The following PTPRR variants were observed in gnomAD, a reference collection of about 807,000 sequenced individuals.
PTPRR encodes the protein receptor-type tyrosine-protein phosphatase R.
In PTPRR, 38 loss-of-function variants were observed where a neutral mutation model predicts 77.2. The observed-to-expected ratio is 0.49, with a 90% confidence interval of 0.38 to 0.65. PTPRR has a LOEUF of 0.65. Ranked by LOEUF, PTPRR falls within the 30% of genes least tolerant of loss-of-function variation. PTPRR has a pLI of 0.00. For missense variants in PTPRR, 744 were observed against 799.2 expected (o/e 0.93, Z 0.83); for synonymous variants, 299 against 283.1 (o/e 1.06, Z -0.57).
intron 2 of PTPRR, among the ~76,000 whole-genome samples, chr12:70,824,201 C>T (rs773298615): frequency 2.6e-5 from 4 of 152,076 alleles, no homozygotes; most frequent in African/African-American, 4.8e-5. Context: ...GTTGTAGTTG[C>T]GTAATTATAA....
chr12:70,886,115 G>C (rs1441451881), intron 2 of PTPRR, among the ~76,000 whole-genome samples: 1 of 152,140 alleles, frequency 6.6e-6, no homozygotes, highest in African/African-American at 2.4e-5. Context: ...TTAGCCTCTA[G>C]CTTTTCCAGA....
intron 13 of PTPRR, among the ~76,000 whole-genome samples, chr12:70,647,825 T>C (rs1048422799): frequency 6.6e-6 from 1 of 152,230 alleles, no homozygotes; most frequent in Admixed American, 6.5e-5. Flanking sequence ...GAAAATGTGA[T>C]TGAGCAAAAT....
chr12:70,896,601 A>C (rs2137121346), intron 1 of PTPRR, among the ~76,000 whole-genome samples: 1 of 151,902 alleles, frequency 6.6e-6, no homozygotes, highest in Non-Finnish European at 1.5e-5. Context: ...TTGGAAATTA[A>C]AAAAACACAT....
At chr12:70,673,885 C>A (rs1407721051) in intron 10 of PTPRR, among the ~76,000 whole-genome samples, 1 of 151,768 alleles carries the variant, frequency 6.6e-6, no homozygotes, top group Non-Finnish European at 1.5e-5. Context: ...GCTAGTTTTG[C>A]CTATTTTATT....
chr12:70,727,090 G>A (rs926130094), intron 6 of PTPRR, among the ~76,000 whole-genome samples: 3 of 152,070 alleles, frequency 2.0e-5, no homozygotes, highest in African/African-American at 2.4e-5. Context: ...ATTTGATCAT[G>A]TACAGCATAT....
intron 2 of PTPRR, among the ~76,000 whole-genome samples, chr12:70,886,217 C>A (rs769260927): frequency 5.3e-5 from 8 of 152,160 alleles, no homozygotes; most frequent in Non-Finnish European, 7.3e-5. Flanking sequence ...ATGCCAAGCT[C>A]AAGAACGGAA....
rs1206642666 is a variant in PTPRR at position 70,920,342 on chromosome 12, G to C, written c.49C>G (p.His17Asp). ...FPALCLLLNL[H>D]AAGCFSGNND... is the part of the protein sequence containing the mutation. ...CCTGGCAACCCCTTACCTGCAGCGT[G>C]AAGATTAAGGAGCAGGCACAGCGCA... is the stretch of plus-strand genomic sequence containing the variant. Residue 17 changes from histidine to aspartate, a missense_variant, in exon 1 of 14, where the codon CAC becomes GAC. Transcript: ENST00000283228. 1.5e-5 allele frequency: 25 copies of C among 1,613,648 alleles called. No homozygotes were observed. The highest frequency in any genetic ancestry group is 2.1e-5 in the Non-Finnish European group (25 of 1,179,828).
chr12:70,814,220 A>G (rs1891860590), intron 2 of PTPRR, among the ~76,000 whole-genome samples: 1 of 152,186 alleles, frequency 6.6e-6, no homozygotes, highest in Admixed American at 6.5e-5. Flanking sequence ...CTAGAGGGGC[A>G]GGCTGTCCCT....
chr12:70,733,341 T>G (rs1213229706), intron 6 of PTPRR, among the ~76,000 whole-genome samples: 1 of 150,532 alleles, frequency 6.6e-6, no homozygotes, highest in East Asian at 1.9e-4. Flanking sequence ...CACTGAGACC[T>G]GTTTTCTAAG....
chr12:70,661,031 C>A lies in PTPRR; in HGVS notation c.1675G>T (p.Asp559Tyr). Residue 559 changes from aspartate to tyrosine, a missense_variant, in exon 12 of 14, where the codon GAC becomes TAC. Coordinates refer to ENST00000283228, the MANE Select transcript of PTPRR (RefSeq NM_002849.4). ...AGCTGTAGGAGGGGCTGGGCACTGT[C>A]TGGAGTCTTGTGATCAGGCCATGAG... ...YTSWPDHKTP[D>Y]SAQPLLQLML... 6.2e-7 allele frequency: 1 copy of A among 1,613,578 alleles called. No individual in the cohort carries two copies.
intron 1 of PTPRR, among the ~76,000 whole-genome samples, chr12:70,900,166 C>T (rs1419746290): frequency 6.6e-6 from 1 of 151,092 alleles, no homozygotes; most frequent in Non-Finnish European, 1.5e-5. Context: ...CTAAAATTTA[C>T]ATAGAAAGGC....
chr12:70,791,471 G>A (rs1891420796), intron 2 of PTPRR, among the ~76,000 whole-genome samples: 1 of 152,212 alleles, frequency 6.6e-6, no homozygotes, highest in East Asian at 1.9e-4. Flanking sequence ...GTCACCGTCT[G>A]CCTGCTTACC....
intron 10 of PTPRR, among the ~76,000 whole-genome samples, chr12:70,671,368 G>A (rs1887215845): frequency 6.6e-6 from 1 of 151,980 alleles, no homozygotes; most frequent in Admixed American, 6.6e-5. Context: ...ATGACTGGCT[G>A]TAGGGAAAAA....
intron 10 of PTPRR, among the ~76,000 whole-genome samples, chr12:70,663,262 A>G (rs1886862025): frequency 6.6e-6 from 1 of 152,222 alleles, no homozygotes; most frequent in Admixed American, 6.5e-5. Context: ...AAGAGTGACA[A>G]TAATTATACT....
intron 2 of PTPRR, among the ~76,000 whole-genome samples, chr12:70,780,078 G>A (rs995487765): frequency 2.6e-5 from 4 of 151,642 alleles, no homozygotes; most frequent in African/African-American, 7.3e-5. Flanking sequence ...TGCAACCTCC[G>A]CCTACTGGGT....
chr12:70,892,776 C>T lies in PTPRR; in HGVS notation c.260G>A (p.Arg87Lys). The T allele has an allele frequency of 6.2e-7, 1 of 1,613,320 alleles. No individual in the cohort carries two copies. Among genetic ancestry groups the T allele is most frequent in the Non-Finnish European group, 8.5e-7 (1 of 1,179,464 alleles). Residue 87 changes from arginine (R) to lysine (K), a missense_variant, in exon 2 of 14, where the codon AGA (arginine) becomes AAA (lysine). Transcript: ENST00000283228. ...RHQIVNSAFPRPAYDPSLNLL... is the reference protein window; with the variant it reads ...RHQIVNSAFPKPAYDPSLNLL... ...ATTGAGAGACGGGTCATATGCGGGTCTAGGAAATGCTGAATTGACAATCTG... is the reference window on the plus strand; with the variant it reads ...ATTGAGAGACGGGTCATATGCGGGTTTAGGAAATGCTGAATTGACAATCTG...
intron 13 of PTPRR, among the ~76,000 whole-genome samples, chr12:70,653,146 C>T (rs1162258365): frequency 6.6e-6 from 1 of 152,114 alleles, no homozygotes; most frequent in Admixed American, 6.5e-5. Flanking sequence ...TTTGGGGTCT[C>T]AGGTGGCAGC....
intron 2 of PTPRR, among the ~76,000 whole-genome samples, chr12:70,843,881 T>C (rs962697155): frequency 1.4e-5 from 2 of 145,004 alleles, no homozygotes; most frequent in Admixed American, 1.4e-4. Context: ...AATGGCACAA[T>C]CTCGGCTCAC....
intron 2 of PTPRR, among the ~76,000 whole-genome samples, chr12:70,877,248 G>T (rs1367672268): frequency 6.6e-6 from 1 of 152,130 alleles, no homozygotes; most frequent in Non-Finnish European, 1.5e-5. Context: ...TTAAACTGAA[G>T]TGTGAAGGGT....
Sources: gnomAD v4.1 joint callset for allele counts (sites outside exome capture counted in the v4.1 genomes callset) on GRCh38, gnomAD v4.1.1 for gene constraint, MANE v1.5 for transcripts, NCBI Gene and HGNC (gene_info 2026-07-23, HGNC 2026-07-21) for gene names.